Variants in CUX1 observed in about 807,000 individuals in gnomAD.
CUX1 encodes protein CASP.
CUX1 carries 31 observed loss-of-function variants against 158.8 expected under a neutral mutation model. That is an observed-to-expected ratio of 0.20 (90% CI 0.15 to 0.26). The LOEUF is 0.26. CUX1 is among the 10% of genes least tolerant of loss of function. The pLI, the probability that CUX1 is intolerant of heterozygous loss-of-function variation, is 1.00. For missense variants in CUX1, 1,589 were observed against 2,014.6 expected (o/e 0.79, Z 4.04); for synonymous variants, 879 against 862.1 (o/e 1.02, Z -0.34).
chr7:101,826,599 G>A (rs984631995), intron 1 of CUX1, among the ~76,000 whole-genome samples: 3 of 152,222 alleles, frequency 2.0e-5, no homozygotes, highest in African/African-American at 4.8e-5. Context: ...CCTAGAGGGC[G>A]GACAGGACTG....
intron 2 of CUX1, among the ~76,000 whole-genome samples, chr7:101,950,171 G>A (rs754631770): frequency 3.9e-5 from 6 of 152,016 alleles, no homozygotes; most frequent in Admixed American, 1.3e-4. Context: ...CACCACACCC[G>A]GCTAATTTTT....
chr7:102,205,921 G>A (rs1310225513), intron 20 of CUX1, among the ~76,000 whole-genome samples: 1 of 152,136 alleles, frequency 6.6e-6, no homozygotes, highest in Non-Finnish European at 1.5e-5. Flanking sequence ...CCCACACTTG[G>A]AGCTGAGCTT....
chr7:102,173,340 G>C (rs1791944321), intron 10 of CUX1, among the ~76,000 whole-genome samples: 1 of 152,196 alleles, frequency 6.6e-6, no homozygotes, highest in Admixed American at 6.5e-5. Context: ...CTGGGCGACA[G>C]CAAGACTCCA....
At chr7:101,994,772 C>G (rs1190287854) in intron 2 of CUX1, among the ~76,000 whole-genome samples, 1 of 151,932 alleles carries the variant, frequency 6.6e-6, no homozygotes, top group Non-Finnish European at 1.5e-5. Context: ...CATTCAAGAA[C>G]TCAGTCATCT....
At chr7:102,190,251 C>G (rs1794132177) in intron 12 of CUX1, among the ~76,000 whole-genome samples, 1 of 152,220 alleles carries the variant, frequency 6.6e-6, no homozygotes, top group Non-Finnish European at 1.5e-5. Context: ...GGCATATGGC[C>G]TCACGCTGCC....
intron 20 of CUX1, among the ~76,000 whole-genome samples, chr7:102,210,672 G>A (rs1796423540): frequency 6.6e-6 from 1 of 152,218 alleles, no homozygotes. Context: ...TTCCTGGCGT[G>A]TTAGGAATGA....
intron 4 of CUX1, among the ~76,000 whole-genome samples, chr7:102,088,444 C>T (rs1828173048): frequency 1.3e-5 from 2 of 151,846 alleles, no homozygotes; most frequent in Non-Finnish European, 1.5e-5. Flanking sequence ...ACCAGCCTGG[C>T]CAATATGGTT....
At chr7:101,996,673 C>T (rs1244328193) in intron 2 of CUX1, among the ~76,000 whole-genome samples, 1 of 137,332 alleles carries the variant, frequency 7.3e-6, no homozygotes, top group Non-Finnish European at 1.6e-5. Flanking sequence ...CTCCATCCAT[C>T]CTTCCCTCGT....
At chr7:101,918,869 G>A (rs1204766419) in intron 2 of CUX1, among the ~76,000 whole-genome samples, 3 of 152,084 alleles carry the variant, frequency 2.0e-5, no homozygotes, top group South Asian at 2.1e-4. Flanking sequence ...TGCAACCTCC[G>A]CCTCCTGGGT....
chr7:101,984,111 T>TG (rs1813908867), intron 2 of CUX1, among the ~76,000 whole-genome samples: 1 of 44,984 alleles, frequency 2.2e-5, no homozygotes, highest in Non-Finnish European at 5.1e-5. Context: ...TATATATATA[T>TG]ATATATATAT....
intron 2 of CUX1, among the ~76,000 whole-genome samples, chr7:102,014,820 T>C (rs925697606): frequency 1.3e-5 from 2 of 151,582 alleles, no homozygotes; most frequent in Middle Eastern, 3.4e-3. Context: ...ATGGGCTGCA[T>C]TTTTGATGCC....
chr7:102,186,218 A>G (rs1793604014), intron 11 of CUX1, among the ~76,000 whole-genome samples: 1 of 152,134 alleles, frequency 6.6e-6, no homozygotes, highest in South Asian at 2.1e-4. Flanking sequence ...AGGTTTTGAG[A>G]TGTGGCACTC....
chr7:102,108,736 T>TGTGTGTGTGTGTGTGTGTGTG (rs1830610289), intron 6 of CUX1, among the ~76,000 whole-genome samples: 3 of 145,062 alleles, frequency 2.1e-5, no homozygotes, highest in African/African-American at 7.8e-5. Context: ...TTCATTCATT[T>TGTGTGTGTGTGTGTGTGTGTG]TGTGTGTGTG....
chr7:102,068,330 T>C (rs1200554136), intron 3 of CUX1, among the ~76,000 whole-genome samples: 1 of 152,128 alleles, frequency 6.6e-6, no homozygotes. Context: ...TTGCCCAGGC[T>C]GGTCTTGAAC....
rs1450655057 is a variant in CUX1, at chr7:102,193,903, C to T, written c.1125+13C>T. The T allele has an allele frequency of 2.5e-6, 4 of 1,613,296 alleles. 1 individual carries two copies. In the Admixed American group the frequency reaches 5.0e-5, roughly 20 times the overall value. ...CGCTGGGACACAGGTACGTGTCTCA[C>T]CTCAATGGTCAGCACTAGCATCAGC... On this transcript the variant is annotated intron_variant, in intron 13 of 23. Coordinates refer to ENST00000292535, the MANE Select transcript of CUX1 (RefSeq NM_181552.4).
intron 1 of CUX1, among the ~76,000 whole-genome samples, chr7:101,874,852 C>T (rs902013300): frequency 2.0e-5 from 3 of 152,170 alleles, no homozygotes; most frequent in South Asian, 2.1e-4. Flanking sequence ...AATTTGATGG[C>T]GTGGAGTCCA....
intron 1 of CUX1, among the ~76,000 whole-genome samples, chr7:101,837,898 C>G (rs1017254075): frequency 1.6e-5 from 2 of 121,938 alleles, no homozygotes; most frequent in Admixed American, 1.7e-4. Flanking sequence ...AGGGTTTTAA[C>G]ATTCCCATTT....
At chr7:101,943,597 C>T (rs375273459) in intron 2 of CUX1, among the ~76,000 whole-genome samples, 2 of 151,670 alleles carry the variant, frequency 1.3e-5, no homozygotes, top group African/African-American at 2.4e-5. Context: ...CAGAGGGGCC[C>T]GGCTTACATA....
intron 2 of CUX1, among the ~76,000 whole-genome samples, chr7:101,996,912 C>T (rs1815982828): frequency 6.6e-6 from 1 of 152,046 alleles, no homozygotes; most frequent in Non-Finnish European, 1.5e-5. Flanking sequence ...CCCACAGTGG[C>T]CTTTGTTAGG....
Sources: allele counts gnomAD v4.1 joint callset (sites outside exome capture counted in the v4.1 genomes callset), GRCh38; gene constraint gnomAD v4.1.1; transcripts MANE v1.5; gene names NCBI Gene and HGNC (gene_info 2026-07-23, HGNC 2026-07-21).